Variants in WDR47 observed in about 807,000 individuals in gnomAD.
WDR47 encodes the protein WD repeat-containing protein 47.
A neutral mutation model predicts 97.2 loss-of-function variants in WDR47; 32 were observed. That is an observed-to-expected ratio of 0.33 (90% confidence interval 0.25 to 0.44). The LOEUF (loss-of-function observed/expected upper bound fraction) is 0.44. WDR47 is among the 20% of genes least tolerant of loss of function. The pLI, the probability that WDR47 is intolerant of heterozygous loss-of-function variation, is 1.00. For missense variants in WDR47, 782 were observed against 1,102.3 expected (o/e 0.71, Z 4.11); for synonymous variants, 375 against 373.5 (o/e 1.00, Z -0.05).
In WDR47 at chr1:109,011,604, T is replaced by C. The variant is rs761761701; in HGVS notation, c.442A>G (p.Asn148Asp). ...CLLLTLPRLTNHAEFKDWNPS... is the reference protein window; with the variant it reads ...CLLLTLPRLTDHAEFKDWNPS... Reference sequence around the variant, plus strand: ...TTCCAGTCCTTAAACTCGGCATGATTGGTCAGACGAGGCAAAGTCAAAAGC... The same window carrying C: ...TTCCAGTCCTTAAACTCGGCATGATCGGTCAGACGAGGCAAAGTCAAAAGC... The change falls in exon 5 of 15, where the codon AAT becomes GAT. Residue 148 changes from asparagine (N) to aspartate (D), a missense_variant. By Grantham distance (23) the Asn-to-Asp change is conservative. Around this residue, in one of 3 missense-constraint regions of WDR47, gnomAD observed 428 missense variants for 584.3 expected, o/e 0.73. Transcript: ENST00000369962. The C allele has an allele frequency of 5.6e-6, 9 of 1,614,056 alleles. No homozygotes were observed. The South Asian group carries it at 8.8e-5, about 16-fold the overall frequency.
At chr1:109,007,260 C>T (rs930417110) in intron 5 of WDR47, among the ~76,000 whole-genome samples, 55 of 149,826 alleles carry the variant, frequency 3.7e-4, no homozygotes, top group Non-Finnish European at 1.3e-4. Context: ...TCAAGTATTT[C>T]AAGTAGTACT....
chr1:108,971,675 A>G (rs956943255), intron 14 of WDR47, 103 bp from the exon 15 acceptor site: 66 of 1,252,730 alleles, frequency 5.3e-5, no homozygotes, highest in Non-Finnish European at 7.1e-5. Flanking sequence ...AAAAATCTTA[A>G]ACTACATTAA....
At position 109,011,660 on chromosome 1, in the gene WDR47, G is replaced by T. The variant is rs1328448394; in HGVS notation, c.386C>A (p.Pro129His). The T allele has an allele frequency of 6.2e-7, 1 of 1,614,094 alleles. No homozygotes were observed. Among genetic ancestry groups the T allele is most frequent in the Admixed American group, 1.7e-5 (1 of 59,990 alleles). Reference protein sequence around the residue: ...QCLHALEEYCPSKDDYSKLCL... With the variant: ...QCLHALEEYCHSKDDYSKLCL... ...GAGCTTACTATAGTCATCTTTAGAA[G>T]GACAGTATTCTTCTAGAGCATGTAA... The change falls in exon 5 of 15, where the codon CCT (proline) becomes CAT (histidine). Residue 129 changes from proline to histidine, a missense_variant. This residue lies in a region of WDR47 where 428 missense variants were observed against 584.3 expected (regional missense o/e 0.73). Coordinates refer to ENST00000369962, the MANE Select transcript of WDR47 (RefSeq NM_001142551.2).
chr1:109,026,703 T>C (rs1287307982), intron 1 of WDR47, among the ~76,000 whole-genome samples: 1 of 152,192 alleles, frequency 6.6e-6, no homozygotes, highest in Admixed American at 6.5e-5. Flanking sequence ...AATTTTCTAA[T>C]ATAGCTCAAT....
Position 108,983,447 on chromosome 1 carries a change from G to A in WDR47, c.1930C>T (p.His644Tyr), listed in dbSNP as rs761671084. ...AYPDVIDPSA[H>Y]ETPKQPVVRF... is the part of the protein sequence containing the mutation. The stretch of plus-strand genomic sequence containing the variant: ...ACCACCGGCTGCTTAGGAGTCTCAT[G>A]TGCACTGAAAAGAAAAATTACAGAA... The change falls in exon 11 of 15, where the codon CAT becomes TAT. Residue 644 changes from histidine (H) to tyrosine (Y), a missense_variant. By Grantham distance (83) the His-to-Tyr change is moderately conservative. Coordinates refer to ENST00000369962, the MANE Select transcript of WDR47 (RefSeq NM_001142551.2). The A allele has an allele frequency of 1.9e-6, 3 of 1,566,720 alleles. No homozygotes were observed. The highest frequency in any genetic ancestry group is 2.6e-6 in the Non-Finnish European group (3 of 1,156,772).
At chr1:108,989,660 C>T (rs1414592711) in intron 9 of WDR47, among the ~76,000 whole-genome samples, 1 of 152,136 alleles carries the variant, frequency 6.6e-6, no homozygotes, top group African/African-American at 2.4e-5. Context: ...ATAGCAGAAG[C>T]CACACAAACT....
chr1:109,016,036 G>A lies in WDR47; in HGVS notation c.242+1482C>T, dbSNP rs193109056. 5.8e-3 allele frequency among the ~76,000 whole-genome samples: 871 copies of A among 150,808 alleles called. 9 individuals are homozygous for A. Among genetic ancestry groups the A allele is most frequent in the Non-Finnish European group, 7.2e-3 (491 of 67,862 alleles). On this transcript the variant is annotated intron_variant, in intron 3 of 14. Transcript: ENST00000369962. The stretch of plus-strand genomic sequence containing the variant: ...TAAGGGGTTATATTCAACAGCATAA[G>A]GCTTTCCAGCTGAGGGCACTCCCCA...
intron 2 of WDR47, among the ~76,000 whole-genome samples, chr1:109,018,089 GAGA>G (rs1397991260): frequency 6.6e-6 from 1 of 152,052 alleles, no homozygotes; most frequent in Non-Finnish European, 1.5e-5. Flanking sequence ...TACACTGTAT[GAGA>G]AGAATTTGTG....
chr1:109,015,400 T>G (rs907003452), intron 3 of WDR47, among the ~76,000 whole-genome samples: 1 of 152,238 alleles, frequency 6.6e-6, no homozygotes, highest in South Asian at 2.1e-4. Flanking sequence ...CTCGGCTCAC[T>G]GCAACCCCTG....
At chr1:109,021,599 T>C (rs927334136) in intron 2 of WDR47, among the ~76,000 whole-genome samples, 3 of 150,494 alleles carry the variant, frequency 2.0e-5, no homozygotes, top group Non-Finnish European at 2.9e-5. Context: ...TTGGGAACAA[T>C]TGTTTAAAAT....
intron 3 of WDR47, among the ~76,000 whole-genome samples, chr1:109,014,331 T>G (rs1410306905): frequency 1.3e-5 from 2 of 152,140 alleles, no homozygotes; most frequent in Admixed American, 1.3e-4. Context: ...ATTTTCTTTT[T>G]AAATATGAGA....
intron 12 of WDR47, 118 bp from the exon 13 acceptor site, chr1:108,981,982 G>A (rs1296055076): frequency 3.5e-6 from 4 of 1,146,818 alleles, no homozygotes; most frequent in Non-Finnish European, 4.8e-6. Context: ...CAGCTACTCA[G>A]GAGGCTGAGG....
At chr1:109,028,071 A>G (rs892209828) in intron 1 of WDR47, among the ~76,000 whole-genome samples, 2 of 152,230 alleles carry the variant, frequency 1.3e-5, no homozygotes, top group South Asian at 2.1e-4. Flanking sequence ...TTAAAATGAG[A>G]TGCACATATA....
Position 109,011,376 on chromosome 1 carries a change from C to G in WDR47, c.670G>C (p.Glu224Gln). 6.2e-7 allele frequency: 1 copy of G among 1,614,190 alleles called. No individual in the cohort carries two copies. Among genetic ancestry groups the G allele is most frequent in the Non-Finnish European group, 8.5e-7 (1 of 1,180,040 alleles). The part of the protein sequence containing the change: ...KATGEEITES[E>Q]VLLGIDLLCG... ...AAGAGGTCGATGCCAAGAAGCACTT[C>G]GCTTTCTGTAATTTCTTCTCCAGTT... The change falls in exon 5 of 15, where the codon GAA (glutamate) becomes CAA (glutamine). Residue 224 changes from glutamate (E) to glutamine (Q), a missense_variant. Physicochemically the swap from Glu to Gln is conservative, Grantham distance 29. This residue lies in a region of WDR47 where 428 missense variants were observed against 584.3 expected (regional missense o/e 0.73). Transcript: ENST00000369962.
intron 5 of WDR47, among the ~76,000 whole-genome samples, chr1:109,010,598 T>A (rs1660968520): frequency 6.7e-6 from 1 of 150,246 alleles, no homozygotes; most frequent in Admixed American, 6.7e-5. Context: ...TTTTTTTTTT[T>A]TTGAGTCGGA....
chr1:108,997,281 G>GA (rs1659822510), intron 7 of WDR47, among the ~76,000 whole-genome samples: 1 of 149,622 alleles, frequency 6.7e-6, no homozygotes, highest in African/African-American at 2.5e-5. Flanking sequence ...AAAAAGAAAA[G>GA]AAAAAGAAAA....
chr1:108,991,200 C>T, intron 9 of WDR47, 54 bp downstream of exon 9: 2 of 1,532,912 alleles, frequency 1.3e-6, no homozygotes, highest in Admixed American at 1.8e-5. Flanking sequence ...AATTTCTTAG[C>T]AAAATTTACA....
intron 6 of WDR47, among the ~76,000 whole-genome samples, chr1:109,004,264 CAAAAAAA>C (rs748279464): frequency 9.0e-6 from 1 of 111,064 alleles, no homozygotes; most frequent in Admixed American, 9.5e-5. Context: ...GACTCCGTCT[CAAAAAAA>C]AAAAAACAAA....
At chr1:108,978,534 A>G (rs542494539) in intron 13 of WDR47, among the ~76,000 whole-genome samples, 1 of 152,170 alleles carries the variant, frequency 6.6e-6, no homozygotes, top group Non-Finnish European at 1.5e-5. Flanking sequence ...AGCACACAGA[A>G]TAGGTTTCAG....
Sources: allele counts gnomAD v4.1 joint callset (sites outside exome capture counted in the v4.1 genomes callset), GRCh38; gene constraint gnomAD v4.1.1; regional missense constraint gnomAD v4.1.1; transcripts MANE v1.5; gene names NCBI Gene and HGNC (gene_info 2026-07-23, HGNC 2026-07-21).